PEX16: variants seen among roughly 807,000 people sequenced by gnomAD.
The protein encoded by PEX16 is peroxin 16.
Under a neutral mutation model 50.5 loss-of-function variants are expected in PEX16, and 37 were observed. The ratio of observed to expected loss-of-function variants is 0.73; its 90% CI spans 0.56 to 0.96. The LOEUF is 0.96. Ranked by LOEUF, PEX16 falls within the 40% of genes least tolerant of loss-of-function variation. The pLI is 0.00. For missense variants in PEX16, 401 were observed against 438.3 expected, an observed-to-expected ratio of 0.91 and a Z score of 0.76; for synonymous variants, 185 against 190.3, an observed-to-expected ratio of 0.97 and a Z score of 0.23.
chr11:45,914,280 C>T (rs2086808777), intron 7 of PEX16, 36 bp downstream of exon 7: 2 of 1,613,524 alleles, frequency 1.2e-6, no homozygotes, highest in Admixed American at 3.3e-5. Flanking sequence ...CCCCAGCCCA[C>T]AGTGCCAGCC....
At position 45,914,378 on chromosome 11, in the gene PEX16, G is replaced by A. The variant is rs751488634; in HGVS notation, c.632C>T (p.Thr211Ile). The change falls in exon 7 of 11, where the codon ACC (threonine) becomes ATC (isoleucine). Residue 211 changes from threonine to isoleucine, a missense_variant. Transcript: ENST00000378750. ...GATGGTCTCCTGCAGCCCCAGGGGGGTGGGGGTCGCACTCAGCTCCTCGTG... is the reference window on the plus strand; with the variant it reads ...GATGGTCTCCTGCAGCCCCAGGGGGATGGGGGTCGCACTCAGCTCCTCGTG... ...QHHEELSATPTPLGLQETIAE... is the reference protein window; with the variant it reads ...QHHEELSATPIPLGLQETIAE... 8 of 1,610,580 alleles carry A rather than the reference G, an allele frequency of 5.0e-6. No homozygotes were observed. In the East Asian group the frequency reaches 1.1e-4, roughly 22 times the overall value.
chr11:45,915,674 C>T (rs1261449164), intron 4 of PEX16, 29 bp downstream of exon 4: 5 of 1,613,674 alleles, frequency 3.1e-6, no homozygotes, highest in South Asian at 2.2e-5. Flanking sequence ...TCACCCCCAC[C>T]CAGGACCCTC....
In PEX16 at chr11:45,914,146, A is replaced by C. The variant is rs759092071; in HGVS notation, c.752T>G (p.Val251Gly). ...CCAGGCTCACCTGGTCACGTCCACAACACCAGCCAAGAGCCAGGGTTTCCA... is the reference window on the plus strand; with the variant it reads ...CCAGGCTCACCTGGTCACGTCCACACCACCAGCCAAGAGCCAGGGTTTCCA... ...RSWKPWLLAG[V>G]VDVTSLSLLS... Residue 251 changes from valine to glycine, a missense_variant, in exon 8 of 11, where the codon GTT becomes GGT. Coordinates refer to ENST00000378750, the MANE Select transcript of PEX16 (RefSeq NM_004813.4). 91 of 1,604,598 alleles carry C rather than the reference A, an allele frequency of 5.7e-5. No individual in the cohort carries two copies. Among genetic ancestry groups the C allele is most frequent in the South Asian group, 1.9e-4 (17 of 89,832 alleles).
chr11:45,914,164 G>A lies in PEX16; in HGVS notation c.734C>T (p.Pro245Leu), dbSNP rs1364730132. 6.2e-7 allele frequency: 1 copy of A among 1,609,780 alleles called. No individual in the cohort carries two copies. The highest frequency in any genetic ancestry group is 1.7e-5 in the Admixed American group (1 of 59,450). ...LGLWGQRSWKPWLLAGVVDVT... is the reference protein window; with the variant it reads ...LGLWGQRSWKLWLLAGVVDVT... ...GTCCACAACACCAGCCAAGAGCCAG[G>A]GTTTCCACGACCTCTGACCCCACAG... Residue 245 changes from proline (P) to leucine (L), a missense_variant, in exon 8 of 11, where the codon CCC (proline) becomes CTC (leucine). Physicochemically the swap from Pro to Leu is moderately conservative, Grantham distance 98. Coordinates refer to ENST00000378750, the MANE Select transcript of PEX16 (RefSeq NM_004813.4).
Position 45,910,206 on chromosome 11 carries a change from G to A in PEX16, c.*48C>T, listed in dbSNP as rs373896581. The A allele has an allele frequency of 2.5e-5, 41 of 1,612,896 alleles. No individual in the cohort carries two copies. Among genetic ancestry groups the A allele is most frequent in the Non-Finnish European group, 3.3e-5 (39 of 1,179,868 alleles). ...CCGGAGTCAGTTTTATTAGGGAAGA[G>A]GGGCTCCCTGCCCCACCCCTCCCCA... On this transcript the variant is annotated 3_prime_UTR_variant, in exon 11 of 11. Transcript: ENST00000378750.
At chr11:45,910,348 AC>A in intron 10 of PEX16, 36 bp from the exon 11 acceptor site, 2 of 1,538,658 alleles carry the variant, frequency 1.3e-6, no homozygotes, top group African/African-American at 2.7e-5. Context: ...GGCAGGCCAG[AC>A]CCCAATCTGC....
rs2086810277 is a variant in PEX16 at position 45,914,373 on chromosome 11, G to C, written c.637C>G (p.Leu213Val). 6.2e-7 allele frequency: 1 copy of C among 1,610,544 alleles called. No individual in the cohort carries two copies. Among genetic ancestry groups the C allele is most frequent in the African/African-American group, 1.3e-5 (1 of 74,946 alleles). Residue 213 changes from leucine (L) to valine (V), a missense_variant, in exon 7 of 11, where the codon CTG becomes GTG. By Grantham distance (32) the Leu-to-Val change is conservative. Transcript: ENST00000378750. ...TCTGCGATGGTCTCCTGCAGCCCCAGGGGGGTGGGGGTCGCACTCAGCTCC... is the reference window on the plus strand; with the variant it reads ...TCTGCGATGGTCTCCTGCAGCCCCACGGGGGTGGGGGTCGCACTCAGCTCC... ...HEELSATPTPLGLQETIAEFL... is the reference protein window; with the variant it reads ...HEELSATPTPVGLQETIAEFL...
chr11:45,917,504 G>A lies in PEX16; in HGVS notation c.113-11C>T, dbSNP rs550316466. 5.6e-6 allele frequency: 9 copies of A among 1,613,996 alleles called. No individual in the cohort carries two copies. Among genetic ancestry groups the A allele is most frequent in the African/African-American group, 2.7e-5 (2 of 75,040 alleles). ...AATCGGCGAATCGACCTGGGGAGAGGGTACAGAAGGAGGTGTGAGTGAGCA... is the reference window on the plus strand; with the variant it reads ...AATCGGCGAATCGACCTGGGGAGAGAGTACAGAAGGAGGTGTGAGTGAGCA... On this transcript the variant is annotated splice_polypyrimidine_tract_variant and intron_variant, in intron 1 of 10. Coordinates refer to ENST00000378750, the MANE Select transcript of PEX16 (RefSeq NM_004813.4).
rs1394819315 is a variant in PEX16 at position 45,910,127 on chromosome 11, G to A, written c.*127C>T. 17 of 1,611,656 alleles carry A rather than the reference G, an allele frequency of 1.1e-5. No homozygotes were observed. The Admixed American group carries it at 1.3e-4, about 13-fold the overall frequency. On this transcript the variant is annotated 3_prime_UTR_variant, in exon 11 of 11. Coordinates refer to ENST00000378750, the MANE Select transcript of PEX16 (RefSeq NM_004813.4). ...GGGAGGAACGCTGGTGGCGACCAGG[G>A]CTGTGTGTGGGGCCTGGCCGGTAGG... is the stretch of plus-strand genomic sequence containing the variant.
rs1192086681 is a variant in PEX16, at chr11:45,914,134, G to C, written c.764C>G (p.Thr255Ser). The C allele has an allele frequency of 6.3e-7, 1 of 1,599,250 alleles. No homozygotes were observed. Among genetic ancestry groups the C allele is most frequent in the Admixed American group, 1.7e-5 (1 of 57,860 alleles). Residue 255 changes from threonine (T) to serine (S), a missense_variant, in exon 8 of 11, where the codon ACC (threonine) becomes AGC (serine). Coordinates refer to ENST00000378750, the MANE Select transcript of PEX16 (RefSeq NM_004813.4). ...PWLLAGVVDV[T>S]SLSLLSDRKG... Reference sequence around the variant, plus strand: ...CCCCAGGCAGGCCCAGGCTCACCTGGTCACGTCCACAACACCAGCCAAGAG... The same window carrying C: ...CCCCAGGCAGGCCCAGGCTCACCTGCTCACGTCCACAACACCAGCCAAGAG...
Position 45,917,500 on chromosome 11 carries a change from A to C in PEX16, c.113-7T>G. On this transcript the variant is annotated splice_region_variant and splice_polypyrimidine_tract_variant and intron_variant, in intron 1 of 10. Transcript: ENST00000378750. Reference sequence around the variant, plus strand: ...TGCGAATCGGCGAATCGACCTGGGGAGAGGGTACAGAAGGAGGTGTGAGTG... The same window carrying C: ...TGCGAATCGGCGAATCGACCTGGGGCGAGGGTACAGAAGGAGGTGTGAGTG... 1.2e-6 allele frequency: 2 copies of C among 1,613,978 alleles called. No individual in the cohort carries two copies. Among genetic ancestry groups the C allele is most frequent in the Non-Finnish European group, 1.7e-6 (2 of 1,179,986 alleles).
At chr11:45,910,369 C>G in intron 10 of PEX16, 57 bp from the exon 11 acceptor site, 1 of 1,394,804 alleles carries the variant, frequency 7.2e-7, no homozygotes, top group Non-Finnish European at 1.0e-6. Context: ...CACTGTGGCG[C>G]CACATACAGC....
Position 45,914,684 on chromosome 11 carries a change from T to C in PEX16, c.461A>G (p.Asp154Gly), listed in dbSNP as rs140695185. 108 of 1,613,782 alleles carry C rather than the reference T, an allele frequency of 6.7e-5. No homozygotes were observed. In the Middle Eastern group the frequency reaches 1.5e-3, roughly 22 times the overall value. The change falls in exon 6 of 11, where the codon GAT (aspartate) becomes GGT (glycine). Residue 154 changes from aspartate (D) to glycine (G), a missense_variant and splice_region_variant. By Grantham distance (94) the Asp-to-Gly change is moderately conservative. Coordinates refer to ENST00000378750, the MANE Select transcript of PEX16 (RefSeq NM_004813.4). ...LDRETQAQPP[D>G]GDHSPGNHEQ... ...ATGGTTGCCAGGGCTGTGGTCACCATCTAGCAGGGATAGACAGAAGGCCAT... is the reference window on the plus strand; with the variant it reads ...ATGGTTGCCAGGGCTGTGGTCACCACCTAGCAGGGATAGACAGAAGGCCAT...
chr11:45,915,709 A>C lies in PEX16; in HGVS notation c.353T>G (p.Leu118Arg). The C allele has an allele frequency of 6.2e-7, 1 of 1,614,140 alleles. No individual in the cohort carries two copies. The highest frequency in any genetic ancestry group is 8.5e-7 in the Non-Finnish European group (1 of 1,180,016). ...CTCCACAATCCCAACCTACTTGGCC[A>C]GCTGGACGAGGGCGATGACAAGCCA... is the stretch of plus-strand genomic sequence containing the variant. Reference protein sequence around the residue: ...GRWLVIALVQLAKAVLRMLLL... With the variant: ...GRWLVIALVQRAKAVLRMLLL... Residue 118 changes from leucine (L) to arginine (R), a missense_variant, in exon 4 of 11, where the codon CTG becomes CGG. Transcript: ENST00000378750.
intron 3 of PEX16, 131 bp downstream of exon 3, chr11:45,916,096 T>C (rs977517849): frequency 1.6e-5 from 13 of 811,670 alleles, no homozygotes; most frequent in African/African-American, 3.3e-5. Context: ...CCTAATGAGA[T>C]GGTTTGAGGC....
At chr11:45,916,975 T>A (rs577682185) in intron 2 of PEX16, 1 of 461,088 alleles carries the variant, frequency 2.2e-6, no homozygotes, top group Non-Finnish European at 4.3e-6. Flanking sequence ...TGGCCTCACC[T>A]CTGCTTTTCA....
chr11:45,915,783 C>T lies in PEX16; in HGVS notation c.279G>A (p.Glu93=). The change falls in exon 4 of 11, where the codon GAG becomes GAA. Residue 93 remains glutamate, a synonymous_variant. Transcript: ENST00000378750. ...TGGCAGCTCCCATCTCCATGAACACCTCCACGCACTCCAGCACGCTCAGCC... is the reference window on the plus strand; with the variant it reads ...TGGCAGCTCCCATCTCCATGAACACTTCCACGCACTCCAGCACGCTCAGCC... The part of the protein sequence containing the change: ...LTWLSVLECV[E]VFMEMGAAKV... 6.2e-7 allele frequency: 1 copy of T among 1,613,874 alleles called. No individual in the cohort carries two copies. The highest frequency in any genetic ancestry group is 1.1e-5 in the South Asian group (1 of 91,072).
At chr11:45,911,111 C>A (rs1205876967) in intron 9 of PEX16, 149 bp from the exon 10 acceptor site, 3 of 662,374 alleles carry the variant, frequency 4.5e-6, no homozygotes, top group African/African-American at 3.6e-5. Flanking sequence ...TAGGACAAAG[C>A]CCGGTACACA....
intron 3 of PEX16, 90 bp from the exon 4 acceptor site, chr11:45,915,926 G>A: frequency 3.2e-6 from 4 of 1,252,968 alleles, no homozygotes; most frequent in African/African-American, 3.0e-5. Context: ...TCTGACAAGA[G>A]ATGTGGACCT....
Sources: allele counts gnomAD v4.1 joint callset, GRCh38; gene constraint gnomAD v4.1.1; transcripts MANE v1.5; gene names NCBI Gene and HGNC (gene_info 2026-07-23, HGNC 2026-07-21).